Variants in ZFAT observed in about 807,000 individuals in gnomAD.
The protein encoded by ZFAT is zinc finger and AT-hook domain containing.
A neutral mutation model predicts 117.7 loss-of-function variants in ZFAT; 64 were observed. That is an observed-to-expected ratio of 0.54 (90% confidence interval 0.44 to 0.67). The LOEUF is 0.67. Ranked by LOEUF, ZFAT falls within the 30% of genes least tolerant of loss-of-function variation. The pLI is 0.00. For missense variants in ZFAT, 1,433 were observed against 1,584.5 expected (o/e 0.90, Z 1.62); for synonymous variants, 679 against 615.0 (o/e 1.10, Z -1.54).
chr8:134,831,252 A>C, the ZFAT span, among the ~76,000 whole-genome samples: 1 of 152,226 alleles, frequency 6.6e-6, no homozygotes, highest in East Asian at 1.9e-4. Flanking sequence ...TTATTTGTAA[A>C]GTCCACTGGA....
intron 1 of ZFAT, among the ~76,000 whole-genome samples, chr8:134,662,316 GAAAC>G (rs1312901970): frequency 6.6e-6 from 1 of 152,178 alleles, no homozygotes; most frequent in Non-Finnish European, 1.5e-5. Flanking sequence ...ATTTTAGGAG[GAAAC>G]AAACATTCAG....
At chr8:134,712,730 CCGGCG>C in intron 1 of ZFAT, 110 bp downstream of exon 1, 9 of 931,376 alleles carry the variant, frequency 9.7e-6, no homozygotes, top group Non-Finnish European at 1.3e-5. Context: ...CGGCCGGCGG[CCGGCG>C]GCCGGCGGCC....
the ZFAT span, among the ~76,000 whole-genome samples, chr8:134,819,732 T>C: frequency 6.6e-6 from 1 of 152,136 alleles, no homozygotes; most frequent in Non-Finnish European, 1.5e-5. Flanking sequence ...GTTTTTGATT[T>C]CCTTTGATAA....
At chr8:134,480,748 C>T (rs1023462741) in intron 15 of ZFAT, among the ~76,000 whole-genome samples, 1 of 152,162 alleles carries the variant, frequency 6.6e-6, no homozygotes, top group African/African-American at 2.4e-5. Flanking sequence ...ATGTCCGGGT[C>T]CTTTCCTGGC....
At chr8:134,521,689 A>T (rs1820671457) in intron 12 of ZFAT, among the ~76,000 whole-genome samples, 1 of 152,242 alleles carries the variant, frequency 6.6e-6, no homozygotes, top group Non-Finnish European at 1.5e-5. Flanking sequence ...ACAATTATAC[A>T]GAAGCAGCAA....
chr8:134,488,628 A>C (rs1033897198), intron 15 of ZFAT, among the ~76,000 whole-genome samples: 1 of 152,150 alleles, frequency 6.6e-6, no homozygotes, highest in African/African-American at 2.4e-5. Flanking sequence ...AGCATGTGTC[A>C]GATGCTCTGG....
At chr8:134,728,450 G>C in the ZFAT span, among the ~76,000 whole-genome samples, 1 of 152,182 alleles carries the variant, frequency 6.6e-6, no homozygotes, top group East Asian at 1.9e-4. Context: ...ATGTGAAGCA[G>C]ATACACCAAT....
chr8:134,685,786 C>T (rs1833291502), intron 1 of ZFAT, among the ~76,000 whole-genome samples: 2 of 152,160 alleles, frequency 1.3e-5, no homozygotes, highest in Admixed American at 1.3e-4. Context: ...CACCAGGGCA[C>T]TACATCTGAC....
At chr8:134,802,309 A>G in the ZFAT span, among the ~76,000 whole-genome samples, 2 of 152,236 alleles carry the variant, frequency 1.3e-5, no homozygotes, top group Non-Finnish European at 2.9e-5. Context: ...ATATTACCTG[A>G]GCACACACAG....
the ZFAT span, among the ~76,000 whole-genome samples, chr8:134,816,627 G>T: frequency 6.6e-6 from 1 of 152,108 alleles, no homozygotes; most frequent in Admixed American, 6.5e-5. Flanking sequence ...ATAATGAAAA[G>T]AAGGCTAAAG....
At chr8:134,779,961 C>T in the ZFAT span, among the ~76,000 whole-genome samples, 549 of 152,258 alleles carry the variant, frequency 3.6e-3, 2 homozygotes, top group African/African-American at 0.011. Context: ...GAATCCTGGT[C>T]CACTGAATTC....
chr8:134,814,518 G>T, the ZFAT span, among the ~76,000 whole-genome samples: 1 of 152,188 alleles, frequency 6.6e-6, no homozygotes, highest in African/African-American at 2.4e-5. Context: ...GATGGATCAT[G>T]GCCTTCAAAC....
chr8:134,726,151 G>A, the ZFAT span, among the ~76,000 whole-genome samples: 5 of 151,990 alleles, frequency 3.3e-5, no homozygotes, highest in African/African-American at 1.2e-4. Flanking sequence ...CTTCTCAAAG[G>A]AAAGAATTCA....
At chr8:134,739,786 A>C in the ZFAT span, among the ~76,000 whole-genome samples, 1 of 152,240 alleles carries the variant, frequency 6.6e-6, no homozygotes. Flanking sequence ...AGAGTGTAGC[A>C]GAGGCTGAGG....
At chr8:134,822,611 A>C in the ZFAT span, among the ~76,000 whole-genome samples, 1 of 152,276 alleles carries the variant, frequency 6.6e-6, no homozygotes, top group Non-Finnish European at 1.5e-5. Context: ...ATGAGAGCAT[A>C]AGTGTGAGAA....
intron 1 of ZFAT, among the ~76,000 whole-genome samples, chr8:134,699,368 A>T (rs1833952857): frequency 6.6e-6 from 1 of 152,208 alleles, no homozygotes; most frequent in African/African-American, 2.4e-5. Context: ...CTGCAGGTAT[A>T]AAGACCTGTG....
the ZFAT span, among the ~76,000 whole-genome samples, chr8:134,782,913 AC>A: frequency 6.6e-6 from 1 of 151,616 alleles, no homozygotes; most frequent in Non-Finnish European, 1.5e-5. Context: ...TTCCATTTCC[AC>A]CCCCTACCCC....
chr8:134,672,121 A>G (rs1832589599), intron 1 of ZFAT, among the ~76,000 whole-genome samples: 1 of 152,282 alleles, frequency 6.6e-6, no homozygotes, highest in Admixed American at 6.5e-5. Flanking sequence ...AAACAAATGG[A>G]AGAACATTCC....
Position 134,538,653 on chromosome 8 carries a change from C to T in ZFAT, c.2977-5681G>A, listed in dbSNP as rs113136969. On this transcript the variant is annotated intron_variant, in intron 11 of 15. Coordinates refer to ENST00000377838, the MANE Select transcript of ZFAT (RefSeq NM_020863.4). The stretch of plus-strand genomic sequence containing the variant: ...CTCTACTAAAAATACAAAAATTAGC[C>T]GGGCATGGTGGTACATGCCTGTAGT... Among the ~76,000 whole-genome samples, 99 of 151,892 alleles carry T rather than the reference C, an allele frequency of 6.5e-4. 1 individual carries two copies. Among genetic ancestry groups the T allele is most frequent in the African/African-American group, 2.3e-3 (95 of 41,436 alleles).
Sources: gnomAD v4.1 joint callset for allele counts (sites outside exome capture counted in the v4.1 genomes callset) on GRCh38, gnomAD v4.1.1 for gene constraint, MANE v1.5 for transcripts, NCBI Gene and HGNC (gene_info 2026-07-23, HGNC 2026-07-21) for gene names.